AFF2: variants seen among roughly 807,000 people sequenced by gnomAD.
AFF2 encodes AF4/FMR2 family member 2.
A neutral mutation model predicts 76.9 loss-of-function variants in AFF2; 14 were observed. The observed-to-expected ratio is 0.18, with a 90% CI of 0.12 to 0.28. AFF2 has a LOEUF of 0.28. Among genes scored for constraint, AFF2 ranks in the 10% least tolerant of loss-of-function variants. The pLI, the probability that AFF2 is intolerant of heterozygous loss-of-function variation, is 1.00. For synonymous variants in AFF2, 398 were observed against 366.7 expected, an observed-to-expected ratio of 1.09 and a Z score of -0.98; for missense variants, 868 against 1,001.1, an observed-to-expected ratio of 0.87 and a Z score of 1.79.
intron 2 of AFF2, among the ~76,000 whole-genome samples, chrX:148,653,328 G>A (rs1557256640): frequency 9.1e-6 from 1 of 109,938 alleles, no homozygotes; most frequent in Non-Finnish European, 1.9e-5. Flanking sequence ...CATTTATGAA[G>A]GTCTACTATG....
chrX:148,590,739 C>G (rs1312894896), intron 1 of AFF2, among the ~76,000 whole-genome samples: 1 of 111,896 alleles, frequency 8.9e-6, no homozygotes, highest in East Asian at 2.8e-4. Flanking sequence ...AAGGAGTTGC[C>G]TCATTTGTTG....
At chrX:148,653,522 C>T (rs782111946) in intron 2 of AFF2, among the ~76,000 whole-genome samples, 31 of 111,463 alleles carry the variant, frequency 2.8e-4, no homozygotes, top group African/African-American at 1.0e-3. Context: ...AGAGCTTGCA[C>T]ATAATTTTTT....
intron 3 of AFF2, among the ~76,000 whole-genome samples, chrX:148,769,997 C>T (rs958610595): frequency 9.0e-6 from 1 of 111,707 alleles, no homozygotes; most frequent in African/African-American, 3.3e-5. Context: ...AATTCAAAGC[C>T]TTTCCAGATT....
intron 3 of AFF2, among the ~76,000 whole-genome samples, chrX:148,742,196 C>A (rs2055364341): frequency 8.9e-6 from 1 of 112,138 alleles, no homozygotes; most frequent in African/African-American, 3.2e-5. Flanking sequence ...AAGTAGTGTC[C>A]ATGAGTTACA....
At chrX:148,635,407 C>T (rs1486751064) in intron 1 of AFF2, among the ~76,000 whole-genome samples, 4 of 111,606 alleles carry the variant, frequency 3.6e-5, no homozygotes, top group Non-Finnish European at 5.6e-5. Flanking sequence ...TCAGAAGGAA[C>T]GCAGCTCTGC....
intron 7 of AFF2, among the ~76,000 whole-genome samples, chrX:148,881,937 G>A (rs2124132233): frequency 9.0e-6 from 1 of 110,669 alleles, no homozygotes; most frequent in Non-Finnish European, 1.9e-5. Flanking sequence ...CTTATTTACT[G>A]TATTAAAAAA....
intron 1 of AFF2, among the ~76,000 whole-genome samples, chrX:148,585,831 A>G (rs1382779686): frequency 2.2e-5 from 2 of 89,215 alleles, no homozygotes; most frequent in African/African-American, 8.0e-5. Context: ...ACAGAGCGAG[A>G]CTGCGTCTCA....
At chrX:148,852,078 A>G (rs1301522215) in intron 7 of AFF2, among the ~76,000 whole-genome samples, 1 of 111,603 alleles carries the variant, frequency 9.0e-6, no homozygotes, top group Admixed American at 9.6e-5. Flanking sequence ...ATGGCTGCAT[A>G]GCATTCCATG....
intron 10 of AFF2, among the ~76,000 whole-genome samples, chrX:148,954,008 A>G (rs1423150802): frequency 8.9e-6 from 1 of 112,171 alleles, no homozygotes; most frequent in Non-Finnish European, 1.9e-5. Context: ...TAGCATAGTA[A>G]AACTAGCATA....
chrX:148,713,437 C>G (rs1434945190), intron 3 of AFF2, among the ~76,000 whole-genome samples: 1 of 111,830 alleles, frequency 8.9e-6, no homozygotes, highest in Admixed American at 9.5e-5. Context: ...ACTCATGTCT[C>G]TTAGGGCTAG....
intron 1 of AFF2, among the ~76,000 whole-genome samples, chrX:148,581,702 A>G (rs1377147896): frequency 8.9e-6 from 1 of 112,537 alleles, no homozygotes; most frequent in Non-Finnish European, 1.9e-5. Context: ...ATGTATACAC[A>G]AATACACTTT....
At chrX:148,925,158 A>G (rs988178235) in intron 9 of AFF2, among the ~76,000 whole-genome samples, 4 of 112,352 alleles carry the variant, frequency 3.6e-5, no homozygotes, top group African/African-American at 1.3e-4. Context: ...GTAAATCCCT[A>G]TCTGCTAATG....
At chrX:148,787,975 A>G (rs1196511015) in intron 3 of AFF2, among the ~76,000 whole-genome samples, 2 of 112,265 alleles carry the variant, frequency 1.8e-5, no homozygotes, top group East Asian at 5.6e-4. Flanking sequence ...ACTGTAAAAG[A>G]TACAGTAGCA....
chrX:148,987,569 T>A lies in AFF2; in HGVS notation c.3814+12T>A. 1 of 1,194,843 alleles carries A rather than the reference T, an allele frequency of 8.4e-7. No individual in the cohort carries two copies. The highest frequency in any genetic ancestry group is 1.1e-6 in the Non-Finnish European group (1 of 882,563). ...AAGAGAAAACAAAGGTATGCTCATC[T>A]GTTCTACCCATATAGCTCACAGACC... is the stretch of plus-strand genomic sequence containing the variant. On this transcript the variant is annotated intron_variant, in intron 20 of 20. Transcript: ENST00000370460.
chrX:148,646,174 A>C (rs1230472808), intron 1 of AFF2, among the ~76,000 whole-genome samples: 1 of 95,105 alleles, frequency 1.1e-5, no homozygotes, highest in African/African-American at 3.9e-5. Flanking sequence ...AAAAGTGTAC[A>C]GAGCCTCTTT....
chrX:148,836,003 G>C (rs1054503980), intron 4 of AFF2, among the ~76,000 whole-genome samples: 7 of 111,368 alleles, frequency 6.3e-5, no homozygotes, highest in Admixed American at 2.9e-4. Flanking sequence ...TCTTAATCAG[G>C]AAAAACCATC....
chrX:148,967,697 G>A lies in AFF2; in HGVS notation c.3267+5G>A, dbSNP rs374064624. The A allele has an allele frequency of 2.8e-5, 34 of 1,200,839 alleles. No homozygotes were observed. The highest frequency in any genetic ancestry group is 2.4e-4 in the Admixed American group (11 of 45,586). ...AAGCACAAAGCTGATGCACTGGTAA[G>A]TTTCCTTTTTCTCATTGCTTTGTTC... On this transcript the variant is annotated splice_donor_5th_base_variant and intron_variant, in intron 15 of 20. Coordinates refer to ENST00000370460, the MANE Select transcript of AFF2 (RefSeq NM_002025.4).
chrX:148,710,783 C>G (rs954784256), intron 3 of AFF2, among the ~76,000 whole-genome samples: 3 of 111,196 alleles, frequency 2.7e-5, no homozygotes, highest in Non-Finnish European at 3.8e-5. Flanking sequence ...TTTATTTGCC[C>G]TAGGTATATG....
At chrX:148,909,937 CT>C (rs1330186534) in intron 9 of AFF2, among the ~76,000 whole-genome samples, 2 of 112,519 alleles carry the variant, frequency 1.8e-5, no homozygotes, top group Non-Finnish European at 3.8e-5. Context: ...AAACACATTT[CT>C]GTTATTAAGA....
Sources: allele counts gnomAD v4.1 joint callset (sites outside exome capture counted in the v4.1 genomes callset), GRCh38; gene constraint gnomAD v4.1.1; transcripts MANE v1.5; gene names NCBI Gene and HGNC (gene_info 2026-07-23, HGNC 2026-07-21).